KNTC1: variants seen among roughly 807,000 people sequenced by gnomAD.
The protein encoded by KNTC1 is kinetochore-associated protein 1.
Under a neutral mutation model 314.4 loss-of-function variants are expected in KNTC1, and 253 were observed. The ratio of observed to expected loss-of-function variants is 0.80; its 90% CI spans 0.73 to 0.89. KNTC1 has a LOEUF of 0.89. Among genes scored for constraint, KNTC1 ranks in the 40% least tolerant of loss-of-function variants. KNTC1 has a pLI of 0.00. For missense variants in KNTC1, 2,475 were observed against 2,572.9 expected, an observed-to-expected ratio of 0.96 and a Z score of 0.82; for synonymous variants, 901 against 901.4, an observed-to-expected ratio of 1.00 and a Z score of 0.01.
intron 52 of KNTC1, among the ~76,000 whole-genome samples, 164 bp from the exon 53 acceptor site, chr12:122,610,658 T>G (rs1268765818): frequency 6.6e-6 from 1 of 152,242 alleles, no homozygotes; most frequent in East Asian, 1.9e-4. Flanking sequence ...AGAAAAAGAT[T>G]AAGCATTCTT....
intron 16 of KNTC1, among the ~76,000 whole-genome samples, chr12:122,555,029 A>C (rs989193267): frequency 1.3e-5 from 2 of 150,710 alleles, no homozygotes; most frequent in African/African-American, 4.9e-5. Flanking sequence ...TGAGTGACAG[A>C]GCGAGATCTT....
At chr12:122,546,442 C>G (rs185623541) in intron 9 of KNTC1, among the ~76,000 whole-genome samples, 173 bp downstream of exon 9, 1 of 152,258 alleles carries the variant, frequency 6.6e-6, no homozygotes, top group African/African-American at 2.4e-5. Flanking sequence ...ACAGTTGTTA[C>G]TCTTCATTTT....
At position 122,609,419 on chromosome 12, in the gene KNTC1, A is replaced by G; in HGVS notation, c.5532A>G (p.Glu1844=). 1 of 1,580,260 alleles carries G rather than the reference A, an allele frequency of 6.3e-7. No homozygotes were observed. ...PSELFELQED[E]ALRRVQYLLL... is the part of the protein sequence containing the mutation. ...AATTATTTGAACTTCAAGAAGATGAAGCCCTACGAAGGTACTCTTTTCCTT... is the reference window on the plus strand; with the variant it reads ...AATTATTTGAACTTCAAGAAGATGAGGCCCTACGAAGGTACTCTTTTCCTT... Residue 1844 remains glutamate (E), a synonymous_variant, in exon 52 of 64, where the codon GAA becomes GAG. Transcript: ENST00000333479.
Position 122,622,445 on chromosome 12 carries a change from T to C in KNTC1, c.6370-17T>C. The C allele has an allele frequency of 6.5e-7, 1 of 1,533,356 alleles. No homozygotes were observed. Among genetic ancestry groups the C allele is most frequent in the Non-Finnish European group, 8.9e-7 (1 of 1,121,942 alleles). The allele number at this position is 1,533,356 out of a possible 1,614,324, so 95.0% of individuals were successfully genotyped here. A position where few individuals can be genotyped will look rare whatever the true frequency, so the allele number is the denominator to read the frequency against. On this transcript the variant is annotated splice_polypyrimidine_tract_variant and intron_variant, in intron 61 of 63. Coordinates refer to ENST00000333479, the MANE Select transcript of KNTC1 (RefSeq NM_014708.6). ...TAGATTAGAAGTCTGATCTTAATGA[T>C]ACCTGTCATTCTATAGATTAGAAGT...
chr12:122,533,323 C>G (rs763400714), intron 2 of KNTC1, among the ~76,000 whole-genome samples: 1 of 152,026 alleles, frequency 6.6e-6, no homozygotes, highest in Non-Finnish European at 1.5e-5. Flanking sequence ...TCCGCCACCA[C>G]GCCCGGCTAA....
At chr12:122,589,758 T>C (rs1209778488) in intron 40 of KNTC1, among the ~76,000 whole-genome samples, 1 of 151,518 alleles carries the variant, frequency 6.6e-6, no homozygotes, top group Admixed American at 6.6e-5. Context: ...AGGCATGATA[T>C]TGTGCCCGGG....
At chr12:122,569,634 T>G (rs898930488) in intron 21 of KNTC1, 47 bp from the exon 22 acceptor site, 3 of 1,536,790 alleles carry the variant, frequency 2.0e-6, no homozygotes, top group African/African-American at 2.8e-5. Context: ...TTGGAAGCCT[T>G]TGGTTTAAAT....
chr12:122,537,511 T>TGG (rs1945393094), intron 3 of KNTC1, among the ~76,000 whole-genome samples: 1 of 151,876 alleles, frequency 6.6e-6, no homozygotes, highest in South Asian at 2.1e-4. Flanking sequence ...CTCCACCTCC[T>TGG]GGGTTCAAGC....
Position 122,601,636 on chromosome 12 carries a change from T to A in KNTC1, c.4653+11T>A, listed in dbSNP as rs750523530. 2.7e-6 allele frequency: 4 copies of A among 1,477,754 alleles called. No individual in the cohort carries two copies. Among genetic ancestry groups the A allele is most frequent in the African/African-American group, 2.9e-5 (2 of 69,458 alleles). The allele number at this position is 1,477,754 out of a possible 1,614,324, so 91.5% of individuals were successfully genotyped here. On this transcript the variant is annotated intron_variant, in intron 45 of 63. Coordinates refer to ENST00000333479, the MANE Select transcript of KNTC1 (RefSeq NM_014708.6). The stretch of plus-strand genomic sequence containing the variant: ...ATTAATATTAATCAGGTATAACAAA[T>A]ATATCAAAGATGTAAAAATCATCTT...
intron 13 of KNTC1, among the ~76,000 whole-genome samples, chr12:122,550,484 T>C (rs1963119635): frequency 6.6e-6 from 1 of 151,698 alleles, no homozygotes; most frequent in Non-Finnish European, 1.5e-5. Flanking sequence ...ACTCATCAAA[T>C]TTAGGTCTCT....
intron 59 of KNTC1, among the ~76,000 whole-genome samples, chr12:122,619,073 T>G (rs1874112432): frequency 6.7e-6 from 1 of 150,252 alleles, no homozygotes; most frequent in Non-Finnish European, 1.5e-5. Flanking sequence ...GTTTTTTGTT[T>G]TTGAGACGGA....
intron 3 of KNTC1, among the ~76,000 whole-genome samples, chr12:122,535,801 G>C (rs1351775527): frequency 1.3e-4 from 19 of 151,808 alleles, no homozygotes. Context: ...GAGTGACAGA[G>C]TGACAGTCGT....
intron 43 of KNTC1, among the ~76,000 whole-genome samples, chr12:122,596,125 C>T (rs935852135): frequency 5.3e-5 from 8 of 149,780 alleles, no homozygotes; most frequent in Non-Finnish European, 1.2e-4. Context: ...CTCTGTCACC[C>T]AGCCTGAAGT....
At chr12:122,570,773 T>C (rs1964632766) in intron 22 of KNTC1, 103 bp from the exon 23 acceptor site, 9 of 806,976 alleles carry the variant, frequency 1.1e-5, no homozygotes, top group Admixed American at 2.5e-5. Flanking sequence ...AAGAGGTTTA[T>C]GGACAAAATA....
At chr12:122,542,220 C>T (rs1962397424) in intron 6 of KNTC1, 93 bp downstream of exon 6, 4 of 797,260 alleles carry the variant, frequency 5.0e-6, no homozygotes, top group South Asian at 2.1e-5. Flanking sequence ...TCTCTTTAAG[C>T]TTATTTTATC....
intron 18 of KNTC1, among the ~76,000 whole-genome samples, chr12:122,558,425 G>A (rs954458427): frequency 4.6e-5 from 7 of 151,536 alleles, no homozygotes; most frequent in African/African-American, 1.5e-4. Flanking sequence ...GGTGTCACGC[G>A]CCTGTAGTCT....
rs762931614 is a variant in KNTC1, at chr12:122,569,770, A to T, written c.1806A>T (p.Pro602=). The T allele has an allele frequency of 2.5e-6, 4 of 1,613,910 alleles. No homozygotes were observed. In the Admixed American group the frequency reaches 6.7e-5, roughly 27 times the overall value. The stretch of plus-strand genomic sequence containing the variant: ...CAGTCTCTTTGCAAAAGCTGTGTCC[A>T]TGGTTTAAAAATGATGTGATTCCAT... ...SASVSLQKLC[P]WFKNDVIPFV... is the part of the protein sequence containing the mutation. Residue 602 remains proline, a synonymous_variant, in exon 22 of 64, where the codon CCA becomes CCT. Coordinates refer to ENST00000333479, the MANE Select transcript of KNTC1 (RefSeq NM_014708.6).
intron 44 of KNTC1, among the ~76,000 whole-genome samples, chr12:122,599,739 T>G (rs1395135855): frequency 6.6e-6 from 1 of 152,214 alleles, no homozygotes; most frequent in East Asian, 1.9e-4. Flanking sequence ...TGCTCAAAAT[T>G]TCTAGGTAAC....
chr12:122,553,164 A>AC, intron 16 of KNTC1, among the ~76,000 whole-genome samples: 1 of 151,764 alleles, frequency 6.6e-6, no homozygotes, highest in South Asian at 2.1e-4. Context: ...CTCAGGGAAA[A>AC]AAAAAAAAAA....
Sources: allele counts gnomAD v4.1 joint callset (sites outside exome capture counted in the v4.1 genomes callset), GRCh38; gene constraint gnomAD v4.1.1; transcripts MANE v1.5; gene names NCBI Gene and HGNC (gene_info 2026-07-23, HGNC 2026-07-21).